Variants in ADAM33 observed in about 807,000 individuals in gnomAD.
The protein encoded by ADAM33 is disintegrin and metalloproteinase domain-containing protein 33.
In ADAM33, 103 loss-of-function variants were observed where a neutral mutation model predicts 106.2. The ratio of observed to expected loss-of-function variants is 0.97; its 90% confidence interval spans 0.83 to 1.14. ADAM33 has a LOEUF of 1.14. Among genes scored for constraint, ADAM33 ranks in the 50% most tolerant of loss-of-function variants. ADAM33 has a pLI of 0.00. For missense variants in ADAM33, 1,120 were observed against 1,096.6 expected (o/e 1.02, Z -0.30); for synonymous variants, 483 against 453.0 (o/e 1.07, Z -0.84).
At chr20:3,670,724 G>A in intron 19 of ADAM33, 1 of 423,292 alleles carries the variant, frequency 2.4e-6, no homozygotes, top group African/African-American at 2.0e-5. Context: ...GGGTGAGGCA[G>A]CCAGCTGGTG....
chr20:3,669,331 T>C lies in ADAM33; in HGVS notation c.2372A>G (p.Lys791Arg). The change falls in exon 21 of 22, where the codon AAG (lysine) becomes AGG (arginine). Residue 791 changes from lysine (K) to arginine (R), a missense_variant. Transcript: ENST00000356518. ...NSHEPSSHPEKPLPAVSPDPQ... is the reference protein window; with the variant it reads ...NSHEPSSHPERPLPAVSPDPQ... ...GTCAGGCGAGACTGCTGGCAGAGGC[T>C]TCTCAGGGTGGCTGCTGGGCTCATG... 6.2e-7 allele frequency: 1 copy of C among 1,600,786 alleles called. No individual in the cohort carries two copies. The highest frequency in any genetic ancestry group is 8.5e-7 in the Non-Finnish European group (1 of 1,176,776).
intron 2 of ADAM33, among the ~76,000 whole-genome samples, chr20:3,678,060 T>C (rs11905870): frequency 0.039 from 5,907 of 152,302 alleles, 373 homozygotes; most frequent in African/African-American, 0.13. Flanking sequence ...CAGATGGTCC[T>C]TGCCTCCCTG....
At chr20:3,679,208 G>A (rs2088241872) in intron 2 of ADAM33, among the ~76,000 whole-genome samples, 1 of 147,784 alleles carries the variant, frequency 6.8e-6, no homozygotes, top group South Asian at 2.1e-4. Flanking sequence ...TTTCTGCCTG[G>A]TGGGGGTGGG....
intron 6 of ADAM33, 79 bp from the exon 7 acceptor site, chr20:3,674,363 A>T: frequency 6.2e-7 from 1 of 1,607,426 alleles, no homozygotes; most frequent in South Asian, 1.1e-5. Context: ...TCCCAGAAGG[A>T]AGTTTAACAT....
Position 3,671,887 on chromosome 20 carries a change from A to C in ADAM33, c.1696T>G (p.Cys566Gly). 1 of 1,552,966 alleles carries C rather than the reference A, an allele frequency of 6.4e-7. No homozygotes were observed. Among genetic ancestry groups the C allele is most frequent in the Non-Finnish European group, 8.7e-7 (1 of 1,147,634 alleles). The change falls in exon 15 of 22, where the codon TGT (cysteine) becomes GGT (glycine). Residue 566 changes from cysteine (C) to glycine (G), a missense_variant. Cys to Gly is a radical substitution (Grantham distance 159). Transcript: ENST00000356518. The part of the protein sequence containing the change: ...GQDSEGHFLP[C>G]AGRDALCGKL... ...AGCTCCACTCCCTACCTCCCTGCAC[A>C]GGGCAGGAAGTGGCCCTCGCTGTCC...
intron 17 of ADAM33, 32 bp from the exon 18 acceptor site, chr20:3,671,377 G>A (rs747680476): frequency 3.7e-6 from 6 of 1,611,520 alleles, no homozygotes; most frequent in Admixed American, 1.7e-5. Context: ...GGTCACGTAG[G>A]ATTAGGAACC....
intron 19 of ADAM33, 62 bp downstream of exon 19, chr20:3,670,944 A>C (rs2087491348): frequency 2.2e-5 from 33 of 1,491,128 alleles, no homozygotes; most frequent in Non-Finnish European, 2.9e-5. Flanking sequence ...CCACAGCCCC[A>C]GCAGAGCTCT....
chr20:3,672,833 C>A lies in ADAM33; in HGVS notation c.1199G>T (p.Gly400Val). Reference sequence around the variant, plus strand: ...GGCATTGGAGAGGCAAGCGCCGCCCCCCTTGCGGAAGAAGGCGCGCAGCTG... The same window carrying A: ...GGCATTGGAGAGGCAAGCGCCGCCCACCTTGCGGAAGAAGGCGCGCAGCTG... Reference protein sequence around the residue: ...RRQLRAFFRKGGGACLSNAPD... With the variant: ...RRQLRAFFRKVGGACLSNAPD... Residue 400 changes from glycine to valine, a missense_variant, in exon 12 of 22, where the codon GGG becomes GTG. Transcript: ENST00000356518. 6.3e-7 allele frequency: 1 copy of A among 1,576,364 alleles called. No individual in the cohort carries two copies. The highest frequency in any genetic ancestry group is 8.6e-7 in the Non-Finnish European group (1 of 1,168,064).
At chr20:3,670,670 A>C in intron 19 of ADAM33, 1 of 310,692 alleles carries the variant, frequency 3.2e-6, no homozygotes, top group Non-Finnish European at 6.1e-6. Context: ...GCAGCATGGT[A>C]CAGGGACTGC....
At chr20:3,680,041 C>T (rs1443579361) in intron 1 of ADAM33, among the ~76,000 whole-genome samples, 1 of 152,154 alleles carries the variant, frequency 6.6e-6, no homozygotes, top group Non-Finnish European at 1.5e-5. Context: ...GCGAGGTCCA[C>T]CTTGCCCAGA....
Position 3,671,167 on chromosome 20 carries a change from G to C in ADAM33, c.2093-14C>G. 2 of 1,613,258 alleles carry C rather than the reference G, an allele frequency of 1.2e-6. No homozygotes were observed. The highest frequency in any genetic ancestry group is 1.1e-5 in the South Asian group (1 of 91,024). ...AGGTGTCATGGTCTGCGGGGATTGGGGGAAGGGGCGCTGAGTCCTGAGCAG... is the reference window on the plus strand; with the variant it reads ...AGGTGTCATGGTCTGCGGGGATTGGCGGAAGGGGCGCTGAGTCCTGAGCAG... On this transcript the variant is annotated splice_polypyrimidine_tract_variant and intron_variant, in intron 18 of 21. Transcript: ENST00000356518.
intron 8 of ADAM33, 42 bp from the exon 9 acceptor site, chr20:3,673,953 T>A (rs773609673): frequency 1.3e-6 from 2 of 1,579,588 alleles, no homozygotes; most frequent in Non-Finnish European, 1.7e-6. Context: ...GGGCGCCCCA[T>A]CGCGCCGGTG....
chr20:3,679,527 C>T lies in ADAM33; in HGVS notation c.142G>A (p.Gly48Arg). 1 of 1,610,848 alleles carries T rather than the reference C, an allele frequency of 6.2e-7. No homozygotes were observed. The highest frequency in any genetic ancestry group is 8.5e-7 in the Non-Finnish European group (1 of 1,178,760). Residue 48 changes from glycine to arginine, a missense_variant, in exon 2 of 22, where the codon GGA (glycine) becomes AGA (arginine). By Grantham distance (125) the Gly-to-Arg change is moderately radical (BLOSUM62 -2). Coordinates refer to ENST00000356518, the MANE Select transcript of ADAM33 (RefSeq NM_025220.5). ...QPVTPHWVLDGQPWRTVSLEE... is the reference protein window; with the variant it reads ...QPVTPHWVLDRQPWRTVSLEE... ...AGGCTGACGGTGCGCCAGGGTTGTC[C>T]ATCCAGGACCCAGTGCGGGGTGACT...
At position 3,674,262 on chromosome 20, in the gene ADAM33, G is replaced by T; in HGVS notation, c.623C>A (p.Thr208Asn). The T allele has an allele frequency of 1.2e-6, 2 of 1,614,006 alleles. No homozygotes were observed. The highest frequency in any genetic ancestry group is 1.1e-5 in the South Asian group (1 of 91,090). ...QSRGRREARRTRKYLELYIVA... is the reference protein window; with the variant it reads ...QSRGRREARRNRKYLELYIVA... ...AATGTACAGTTCCAGGTACTTCCGG[G>T]TCCTGCGCGCTTCTCGCCTGCCCTG... Residue 208 changes from threonine to asparagine, a missense_variant, in exon 7 of 22, where the codon ACC (threonine) becomes AAC (asparagine). Physicochemically the swap from Thr to Asn is moderately conservative, Grantham distance 65. Transcript: ENST00000356518.
chr20:3,676,320 C>T (rs1207071233), intron 3 of ADAM33, among the ~76,000 whole-genome samples: 1 of 152,212 alleles, frequency 6.6e-6, no homozygotes. Flanking sequence ...TTCATTCCCC[C>T]CTGCTCCCCT....
At position 3,674,845 on chromosome 20, in the gene ADAM33, T is replaced by C. The variant is rs1646179432; in HGVS notation, c.338A>G (p.His113Arg). Residue 113 changes from histidine (H) to arginine (R), a missense_variant, in exon 5 of 22, where the codon CAT becomes CGT. Transcript: ENST00000356518. ...CCTTACTCGCCCTTGGTAGTGGCAA[T>C]GATCCTAGGGAGGAAGGGGCCAGCC... ...PVVLAPNHTDHCHYQGRVRGF... is the reference protein window; with the variant it reads ...PVVLAPNHTDRCHYQGRVRGF... The C allele has an allele frequency of 6.2e-7, 1 of 1,610,358 alleles. No homozygotes were observed. The highest frequency in any genetic ancestry group is 1.3e-5 in the African/African-American group (1 of 74,864).
rs776082098 is a variant in ADAM33 at position 3,672,773 on chromosome 20, C to T, written c.1259G>A (p.Cys420Tyr). The T allele has an allele frequency of 7.0e-5, 110 of 1,570,148 alleles. No individual in the cohort carries two copies. The highest frequency in any genetic ancestry group is 1.1e-4 in the Admixed American group (6 of 55,572). The change falls in exon 12 of 22, where the codon TGC becomes TAC. Residue 420 changes from cysteine to tyrosine, a missense_variant. Coordinates refer to ENST00000356518, the MANE Select transcript of ADAM33 (RefSeq NM_025220.5). ...GCCCGCTTCCACGAAGCCGTTCCCG[C>T]AGAGCGCCGGCGGCACCGGGAGTCC... is the stretch of plus-strand genomic sequence containing the variant. ...DPGLPVPPAL[C>Y]GNGFVEAGEE...
intron 2 of ADAM33, among the ~76,000 whole-genome samples, chr20:3,677,558 C>T (rs550434678): frequency 2.6e-5 from 4 of 152,308 alleles, no homozygotes; most frequent in Admixed American, 2.0e-4. Flanking sequence ...TCCTCAGAGC[C>T]TCTGCTACCT....
chr20:3,681,044 C>G (rs2088448657), intron 1 of ADAM33, among the ~76,000 whole-genome samples: 1 of 152,104 alleles, frequency 6.6e-6, no homozygotes. Flanking sequence ...TCCCCTGGGG[C>G]CAGAACAGAC....
Sources: gnomAD v4.1 joint callset for allele counts (sites outside exome capture counted in the v4.1 genomes callset) on GRCh38, gnomAD v4.1.1 for gene constraint, MANE v1.5 for transcripts, NCBI Gene and HGNC (gene_info 2026-07-23, HGNC 2026-07-21) for gene names.